The following MTMR8 variants were observed in gnomAD, a reference collection of about 807,000 sequenced individuals.
MTMR8 encodes myotubularin related protein 8.
In MTMR8, 65 loss-of-function variants were observed where a neutral mutation model predicts 39.3. That is an observed-to-expected ratio of 1.65 (90% confidence interval 1.35 to 2.03). The LOEUF (loss-of-function observed/expected upper bound fraction) is 2.03. MTMR8 is among the 30% of genes most tolerant of loss of function. The pLI, the probability that MTMR8 is intolerant of heterozygous loss-of-function variation, is 0.00. For missense variants in MTMR8, 777 were observed against 538.9 expected (o/e 1.44, Z -4.37); for synonymous variants, 245 against 185.2 (o/e 1.32, Z -2.62).
chrX:64,320,540 CATA>C (rs1922609771), intron 12 of MTMR8, among the ~76,000 whole-genome samples: 1 of 110,054 alleles, frequency 9.1e-6, no homozygotes. Flanking sequence ...TGGCCTTTTT[CATA>C]ATATTTGTTG....
At chrX:64,329,904 C>A (rs762134965) in intron 11 of MTMR8, among the ~76,000 whole-genome samples, 1 of 111,340 alleles carries the variant, frequency 9.0e-6, no homozygotes, top group African/African-American at 3.3e-5. Context: ...CCTAAAATAC[C>A]TCCTTAAATT....
chrX:64,287,198 T>C (rs1602108480), intron 12 of MTMR8, among the ~76,000 whole-genome samples: 1 of 111,193 alleles, frequency 9.0e-6, no homozygotes. Flanking sequence ...AAATCATGAG[T>C]GAACTCCCAT....
chrX:64,329,445 T>C (rs1465575707), intron 11 of MTMR8, among the ~76,000 whole-genome samples: 1 of 111,789 alleles, frequency 8.9e-6, no homozygotes, highest in African/African-American at 3.3e-5. Context: ...ATTGGAAATT[T>C]ATACTAGAAA....
At chrX:64,393,761 C>A (rs1003694762) in intron 1 of MTMR8, among the ~76,000 whole-genome samples, 5 of 111,988 alleles carry the variant, frequency 4.5e-5, no homozygotes, top group African/African-American at 1.6e-4. Context: ...CAGAGAAAGG[C>A]CCTGAAGAGG....
intron 12 of MTMR8, among the ~76,000 whole-genome samples, chrX:64,324,219 A>G (rs1012095338): frequency 4.5e-5 from 5 of 110,999 alleles, no homozygotes; most frequent in African/African-American, 1.6e-4. Flanking sequence ...AAGATTAGCC[A>G]GGTGTGGTTG....
In MTMR8 at chrX:64,369,921, T is replaced by A. The variant is rs1002456445; in HGVS notation, c.25-10394A>T. On this transcript the variant is annotated intron_variant, in intron 1 of 13. Transcript: ENST00000374852. ...TATGACAGGGAAAAAAGTAAGAGAA[T>A]GATATACAGAAGGCATCACTATATA... Among the ~76,000 whole-genome samples, 12 of 111,142 alleles carry A rather than the reference T, an allele frequency of 1.1e-4. 1 individual carries two copies. The highest frequency in any genetic ancestry group is 2.1e-4 in the Non-Finnish European group (11 of 53,009).
chrX:64,350,756 T>C (rs765139744), intron 4 of MTMR8, among the ~76,000 whole-genome samples: 7 of 111,181 alleles, frequency 6.3e-5, no homozygotes, highest in African/African-American at 2.3e-4. Flanking sequence ...TGTGACTTAC[T>C]CTATGAAAAG....
intron 12 of MTMR8, among the ~76,000 whole-genome samples, chrX:64,293,557 G>T (rs1227135425): frequency 9.0e-6 from 1 of 111,468 alleles, no homozygotes; most frequent in African/African-American, 3.3e-5. Flanking sequence ...CACTTGGGAA[G>T]CCTGCTCCTG....
intron 2 of MTMR8, among the ~76,000 whole-genome samples, chrX:64,357,571 T>C (rs1923659138): frequency 9.0e-6 from 1 of 110,772 alleles, no homozygotes; most frequent in Admixed American, 9.7e-5. Context: ...AGGAATACAG[T>C]TGTGTGCTAC....
intron 1 of MTMR8, among the ~76,000 whole-genome samples, chrX:64,362,742 T>G (rs1461830163): frequency 9.1e-6 from 1 of 110,379 alleles, no homozygotes; most frequent in African/African-American, 3.3e-5. Flanking sequence ...AATATAAAGT[T>G]ACTGAAAAAA....
chrX:64,359,005 C>T lies in MTMR8; in HGVS notation c.147+400G>A, dbSNP rs1486711633. Among the ~76,000 whole-genome samples the T allele has an allele frequency of 6.3e-5, 7 of 110,692 alleles. No homozygotes were observed. In the East Asian group the frequency reaches 1.7e-3, roughly 27 times the overall value. ...TGAGCCCTTTTTAGAAATTCAAAATCTTAGGCTTGAGATTTTGCATTTTTA... is the reference window on the plus strand; with the variant it reads ...TGAGCCCTTTTTAGAAATTCAAAATTTTAGGCTTGAGATTTTGCATTTTTA... On this transcript the variant is annotated intron_variant, in intron 2 of 13. Coordinates refer to ENST00000374852, the MANE Select transcript of MTMR8 (RefSeq NM_017677.4).
chrX:64,289,870 T>C (rs891910924), intron 12 of MTMR8, among the ~76,000 whole-genome samples: 1 of 110,646 alleles, frequency 9.0e-6, no homozygotes, highest in African/African-American at 3.3e-5. Flanking sequence ...TTGGGGACAC[T>C]ACGCTAAGTA....
At position 64,374,885 on chromosome X, in the gene MTMR8, G is replaced by A. The variant is rs774219943; in HGVS notation, c.25-15358C>T. Among the ~76,000 whole-genome samples the A allele has an allele frequency of 1.6e-4, 17 of 109,105 alleles. No individual in the cohort carries two copies. In the East Asian group the frequency reaches 3.5e-3, roughly 22 times the overall value. The allele number at this position is 109,105 out of a possible 115,157, so 94.7% of individuals were successfully genotyped here. On this transcript the variant is annotated intron_variant, in intron 1 of 13. Transcript: ENST00000374852. ...AAATGGAGGCAGAGATTGGAGCGAT[G>A]GATATAGCCACCAGGAATGCTGACA...
chrX:64,296,673 A>G (rs1177958894), intron 12 of MTMR8, among the ~76,000 whole-genome samples: 6 of 105,487 alleles, frequency 5.7e-5, no homozygotes, highest in Non-Finnish European at 7.8e-5. Context: ...CTGGTGCGCT[A>G]CACCCACTAA....
At chrX:64,354,995 C>G in intron 3 of MTMR8, 61 bp from the exon 4 acceptor site, 6 of 965,489 alleles carry the variant, frequency 6.2e-6, no homozygotes, top group Non-Finnish European at 8.3e-6. Flanking sequence ...AATCATCAAA[C>G]AATGCAAATA....
intron 12 of MTMR8, among the ~76,000 whole-genome samples, chrX:64,283,910 A>G (rs1921053127): frequency 8.9e-6 from 1 of 112,512 alleles, no homozygotes; most frequent in Non-Finnish European, 1.9e-5. Context: ...TCTAAAAATC[A>G]GAGCGCCTCT....
At chrX:64,369,115 C>A (rs747398650) in intron 1 of MTMR8, among the ~76,000 whole-genome samples, 12 of 112,111 alleles carry the variant, frequency 1.1e-4, no homozygotes, top group African/African-American at 3.9e-4. Context: ...CAGGAAACCA[C>A]AGATGCTGTA....
At chrX:64,284,865 A>G (rs184409069) in intron 12 of MTMR8, among the ~76,000 whole-genome samples, 24 of 112,419 alleles carry the variant, frequency 2.1e-4, no homozygotes, top group Admixed American at 1.9e-3. Flanking sequence ...AGCCACTGCA[A>G]AAACAGGCTA....
intron 12 of MTMR8, among the ~76,000 whole-genome samples, chrX:64,292,707 T>C (rs1376151286): frequency 1.8e-5 from 2 of 110,859 alleles, no homozygotes; most frequent in African/African-American, 6.6e-5. Flanking sequence ...GTCCAGTCTC[T>C]CCGTAAGGAC....
Sources: gnomAD v4.1 joint callset for allele counts (sites outside exome capture counted in the v4.1 genomes callset) on GRCh38, gnomAD v4.1.1 for gene constraint, MANE v1.5 for transcripts, NCBI Gene and HGNC (gene_info 2026-07-23, HGNC 2026-07-21) for gene names.